Variants in PARD3 observed in about 807,000 individuals in gnomAD.
PARD3 encodes par-3 family cell polarity regulator.
PARD3 carries 75 observed loss-of-function variants against 155.4 expected under a neutral mutation model. The ratio of observed to expected loss-of-function variants is 0.48; its 90% CI spans 0.40 to 0.58. PARD3 has a LOEUF of 0.58. Ranked by LOEUF, PARD3 falls within the 20% of genes least tolerant of loss-of-function variation. The pLI is 0.00. For synonymous variants in PARD3, 576 were observed against 610.5 expected, an observed-to-expected ratio of 0.94 and a Z score of 0.83; for missense variants, 1,642 against 1,721.7, an observed-to-expected ratio of 0.95 and a Z score of 0.82.
At chr10:34,378,863 T>C (rs756024769) in intron 9 of PARD3, among the ~76,000 whole-genome samples, 5 of 152,318 alleles carry the variant, frequency 3.3e-5, no homozygotes, top group Admixed American at 6.5e-5. Flanking sequence ...AGAATTTAAA[T>C]TCTCATTTCT....
chr10:34,359,311 T>G lies in PARD3; in HGVS notation c.1903A>C (p.Arg635=). The part of the protein sequence containing the change: ...INGGAASKDG[R]LRVNDQLIAV... ...ATCAGTTGATCATTCACCCGAAGCC[T>G]TCCATCCTGGGAAGAAAACAGGTAA... The change falls in exon 14 of 25, where the codon AGG becomes CGG. Residue 635 remains arginine, a synonymous_variant. Transcript: ENST00000374788. 6.2e-7 allele frequency: 1 copy of G among 1,612,816 alleles called. No individual in the cohort carries two copies. Among genetic ancestry groups the G allele is most frequent in the Non-Finnish European group, 8.5e-7 (1 of 1,179,342 alleles).
chr10:34,541,403 T>C (rs896065629), intron 2 of PARD3, among the ~76,000 whole-genome samples: 1 of 152,208 alleles, frequency 6.6e-6, no homozygotes, highest in Non-Finnish European at 1.5e-5. Context: ...CAAGATACAA[T>C]CTATATTCCT....
intron 3 of PARD3, among the ~76,000 whole-genome samples, chr10:34,496,758 G>A (rs557242343): frequency 3.7e-4 from 56 of 152,254 alleles, no homozygotes; most frequent in East Asian, 2.9e-3. Flanking sequence ...TCAAATGTAA[G>A]GTGTGGATTT....
chr10:34,179,536 G>A (rs193232826), intron 22 of PARD3, among the ~76,000 whole-genome samples: 4 of 152,122 alleles, frequency 2.6e-5, no homozygotes, highest in Non-Finnish European at 4.4e-5. Flanking sequence ...CCAGAAAATC[G>A]CTGTAACAAT....
intron 14 of PARD3, among the ~76,000 whole-genome samples, chr10:34,349,585 A>T (rs1283350351): frequency 2.6e-5 from 3 of 116,774 alleles, no homozygotes; most frequent in African/African-American, 9.9e-5. Flanking sequence ...GAAAGTAAAA[A>T]AAAAAAAAAA....
At chr10:34,480,783 G>A (rs958988164) in intron 3 of PARD3, among the ~76,000 whole-genome samples, 3 of 149,150 alleles carry the variant, frequency 2.0e-5, no homozygotes, top group African/African-American at 7.5e-5. Flanking sequence ...TACATCTGCA[G>A]GTTTCTTTTT....
At chr10:34,343,582 G>A in intron 15 of PARD3, 1 of 985,110 alleles carries the variant, frequency 1.0e-6, no homozygotes, top group African/African-American at 1.7e-5. Flanking sequence ...TTCTTAACAT[G>A]CTTGCCAGGA....
chr10:34,220,511 A>C (rs1206939769), intron 22 of PARD3, among the ~76,000 whole-genome samples: 2 of 152,164 alleles, frequency 1.3e-5, no homozygotes, highest in African/African-American at 4.8e-5. Flanking sequence ...TGTTTCAAAG[A>C]GGGCTGGTGA....
At chr10:34,415,799 C>T (rs578118701) in intron 5 of PARD3, among the ~76,000 whole-genome samples, 1 of 152,276 alleles carries the variant, frequency 6.6e-6, no homozygotes, top group East Asian at 1.9e-4. Context: ...CATAGAATTG[C>T]TATTTGGTGT....
At chr10:34,204,710 C>T (rs1271072139) in intron 22 of PARD3, among the ~76,000 whole-genome samples, 1 of 148,004 alleles carries the variant, frequency 6.8e-6, no homozygotes, top group East Asian at 1.9e-4. Flanking sequence ...TTCCCCCCTA[C>T]AATAAGAGGA....
At chr10:34,563,343 T>C (rs1400013971) in intron 2 of PARD3, among the ~76,000 whole-genome samples, 1 of 152,076 alleles carries the variant, frequency 6.6e-6, no homozygotes, top group Non-Finnish European at 1.5e-5. Context: ...TAATGAAACA[T>C]TTCATGAATC....
At chr10:34,521,364 C>CAAAA (rs35030184) in intron 2 of PARD3, among the ~76,000 whole-genome samples, 2 of 90,486 alleles carry the variant, frequency 2.2e-5, no homozygotes, top group African/African-American at 7.4e-5. Flanking sequence ...AGTAACACAG[C>CAAAA]AAAAAAAAAA....
At chr10:34,649,259 C>T (rs1225602466) in intron 2 of PARD3, among the ~76,000 whole-genome samples, 5 of 152,166 alleles carry the variant, frequency 3.3e-5, no homozygotes, top group Non-Finnish European at 5.9e-5. Context: ...GCCTGGGAAA[C>T]ACAGCAAGGC....
intron 5 of PARD3, among the ~76,000 whole-genome samples, chr10:34,413,121 T>A (rs1845260272): frequency 7.2e-6 from 1 of 138,576 alleles, no homozygotes; most frequent in African/African-American, 3.1e-5. Flanking sequence ...TGAAAAAACA[T>A]TAGGCAGTAC....
intron 22 of PARD3, among the ~76,000 whole-genome samples, chr10:34,217,172 G>A (rs980062291): frequency 2.6e-5 from 4 of 151,886 alleles, no homozygotes; most frequent in Admixed American, 6.6e-5. Context: ...TCAACATCTC[G>A]GTGGGAGGAT....
intron 22 of PARD3, 135 bp downstream of exon 22, chr10:34,269,522 T>C (rs191848763): frequency 3.3e-6 from 3 of 914,270 alleles, no homozygotes; most frequent in East Asian, 5.0e-5. Flanking sequence ...TCAATACTTT[T>C]AGACACAACA....
At chr10:34,328,199 TAG>T (rs1835243308) in intron 19 of PARD3, among the ~76,000 whole-genome samples, 1 of 152,222 alleles carries the variant, frequency 6.6e-6, no homozygotes, top group Non-Finnish European at 1.5e-5. Context: ...ATTGAAGATC[TAG>T]TGCATACAAG....
intron 5 of PARD3, among the ~76,000 whole-genome samples, chr10:34,421,893 C>T (rs1376205280): frequency 1.3e-5 from 2 of 152,106 alleles, no homozygotes; most frequent in East Asian, 3.9e-4. Flanking sequence ...GGGGACGTTG[C>T]AGAGGCAGCA....
intron 5 of PARD3, among the ~76,000 whole-genome samples, chr10:34,407,998 C>T (rs1271465908): frequency 6.6e-6 from 1 of 152,092 alleles, no homozygotes; most frequent in African/African-American, 2.4e-5. Context: ...ACCATACTGT[C>T]TAATTCAGAG....
Sources: gnomAD v4.1 joint callset for allele counts (sites outside exome capture counted in the v4.1 genomes callset) on GRCh38, gnomAD v4.1.1 for gene constraint, MANE v1.5 for transcripts, NCBI Gene and HGNC (gene_info 2026-07-23, HGNC 2026-07-21) for gene names.